The following ZNF385D variants were observed in gnomAD, a reference collection of about 807,000 sequenced individuals.
ZNF385D encodes the protein zinc finger protein 385D, also known as zinc finger protein 659.
Under a neutral mutation model 35.8 loss-of-function variants are expected in ZNF385D, and 15 were observed. The ratio of observed to expected loss-of-function variants is 0.42; its 90% CI spans 0.28 to 0.64. The LOEUF (loss-of-function observed/expected upper bound fraction) is 0.64. Among genes scored for constraint, ZNF385D ranks in the 30% least tolerant of loss-of-function variants. ZNF385D has a pLI of 0.23. For missense variants in ZNF385D, 474 were observed against 494.6 expected, an observed-to-expected ratio of 0.96 and a Z score of 0.39; for synonymous variants, 212 against 186.8, an observed-to-expected ratio of 1.13 and a Z score of -1.10.
chr3:21,705,252 T>C (rs988572544), intron 1 of ZNF385D, among the ~76,000 whole-genome samples: 1 of 152,188 alleles, frequency 6.6e-6, no homozygotes, highest in Non-Finnish European at 1.5e-5. Context: ...AATCCCTGCT[T>C]AATAAAATGT....
intron 3 of ZNF385D, among the ~76,000 whole-genome samples, chr3:21,917,105 G>T (rs1242470023): frequency 6.6e-6 from 1 of 152,188 alleles, no homozygotes; most frequent in African/African-American, 2.4e-5. Context: ...TCCCTAAAAT[G>T]GAGAAGACAC....
At chr3:21,658,714 C>T (rs1223947150) in intron 2 of ZNF385D, among the ~76,000 whole-genome samples, 2 of 151,968 alleles carry the variant, frequency 1.3e-5, no homozygotes, top group Non-Finnish European at 2.9e-5. Context: ...ATCTCAGATT[C>T]CAAAGCAAAC....
intron 1 of ZNF385D, among the ~76,000 whole-genome samples, chr3:21,730,821 A>G (rs1472557100): frequency 1.3e-5 from 2 of 152,200 alleles, no homozygotes; most frequent in Non-Finnish European, 2.9e-5. Context: ...TTGCTGTTAT[A>G]GTGTAGATTT....
intron 2 of ZNF385D, among the ~76,000 whole-genome samples, chr3:22,264,341 C>A (rs889318739): frequency 6.6e-6 from 1 of 151,970 alleles, no homozygotes; most frequent in Non-Finnish European, 1.5e-5. Context: ...ACAGATGGGT[C>A]TTAGGGCAGA....
intron 1 of ZNF385D, among the ~76,000 whole-genome samples, chr3:21,742,610 A>C (rs992777297): frequency 3.3e-5 from 5 of 152,184 alleles, no homozygotes; most frequent in Non-Finnish European, 5.9e-5. Flanking sequence ...AGAGAAAGGG[A>C]GAAACCAGGG....
In ZNF385D at chr3:21,862,297, T is replaced by C. The variant is rs530932351; in HGVS notation, c.326-197269A>G. On this transcript the variant is annotated intron_variant, in intron 3 of 5. Coordinates refer to the ZNF385D transcript ENST00000494108. Reference sequence around the variant, plus strand: ...ACTTGAGGCAGGATATCTCTACTTTTTTTTTTTTTTAATCAAGCTCAGGTT... The same window carrying C: ...ACTTGAGGCAGGATATCTCTACTTTCTTTTTTTTTTAATCAAGCTCAGGTT... 5.3e-5 allele frequency among the ~76,000 whole-genome samples: 8 copies of C among 151,830 alleles called. No homozygotes were observed. In the East Asian group the frequency reaches 1.6e-3, roughly 30 times the overall value.
intron 1 of ZNF385D, among the ~76,000 whole-genome samples, chr3:21,668,614 C>A (rs1318794493): frequency 1.3e-5 from 2 of 152,162 alleles, no homozygotes; most frequent in Non-Finnish European, 2.9e-5. Context: ...GATATTGAGG[C>A]ACGAAATCGA....
intron 3 of ZNF385D, among the ~76,000 whole-genome samples, chr3:22,093,272 A>C (rs1404540946): frequency 6.6e-6 from 1 of 152,054 alleles, no homozygotes; most frequent in Non-Finnish European, 1.5e-5. Flanking sequence ...CCAACATCTA[A>C]AACTTTTAGA....
At chr3:21,904,373 A>G (rs995525325) in intron 3 of ZNF385D, among the ~76,000 whole-genome samples, 20 of 151,944 alleles carry the variant, frequency 1.3e-4, no homozygotes, top group Non-Finnish European at 2.5e-4. Flanking sequence ...TGAAGAGTAT[A>G]TATTTTTCTG....
chr3:21,956,027 A>C (rs1222709629), intron 3 of ZNF385D, among the ~76,000 whole-genome samples: 1 of 152,044 alleles, frequency 6.6e-6, no homozygotes, highest in East Asian at 1.9e-4. Flanking sequence ...CTCTCTAAAA[A>C]AGAAAAAAAA....
rs1180921379 is a variant in ZNF385D at position 21,769,565 on chromosome 3, C to T, written c.326-104537G>A. On this transcript the variant is annotated intron_variant, in intron 3 of 5. Transcript: ENST00000494108. ...GACCTCTTCAAGGAGAACTATAAAC[C>T]ACTGCTCAAGGAAATAAAAGAGGAT... is the stretch of plus-strand genomic sequence containing the variant. Among the ~76,000 whole-genome samples the T allele has an allele frequency of 4.1e-5, 4 of 97,188 alleles. 1 individual carries two copies. Among genetic ancestry groups the T allele is most frequent in the Non-Finnish European group, 7.9e-5 (4 of 50,362 alleles). 63.8% of individuals were successfully genotyped at this position (97,188 alleles called of 152,430 possible). A position where few individuals can be genotyped will look rare whatever the true frequency, so the allele number is the denominator to read the frequency against.
chr3:22,015,137 A>G (rs796132074), intron 3 of ZNF385D, among the ~76,000 whole-genome samples: 10 of 152,286 alleles, frequency 6.6e-5, no homozygotes, highest in South Asian at 2.1e-4. Flanking sequence ...ATAAGATACT[A>G]AAGAATTATT....
chr3:22,273,903 C>G (rs779996556), intron 2 of ZNF385D, among the ~76,000 whole-genome samples: 3 of 151,960 alleles, frequency 2.0e-5, no homozygotes, highest in South Asian at 2.1e-4. Context: ...CAATGGTTTT[C>G]CATATGTTTT....
intron 3 of ZNF385D, among the ~76,000 whole-genome samples, chr3:21,919,971 A>G (rs1564411): frequency 0.54 from 81,350 of 152,050 alleles, 23,827 homozygotes; most frequent in South Asian, 0.66. Flanking sequence ...TACCATAAGA[A>G]TAACAATCTC....
At chr3:22,023,415 A>G (rs2125459692) in intron 3 of ZNF385D, among the ~76,000 whole-genome samples, 1 of 152,154 alleles carries the variant, frequency 6.6e-6, no homozygotes, top group African/African-American at 2.4e-5. Context: ...ACATTTGAAA[A>G]CCCAGCGGCA....
intron 3 of ZNF385D, among the ~76,000 whole-genome samples, chr3:21,947,760 C>A (rs1168272693): frequency 6.6e-6 from 1 of 151,980 alleles, no homozygotes; most frequent in Admixed American, 6.6e-5. Context: ...GTTGATACAC[C>A]AAAATATATC....
intron 3 of ZNF385D, among the ~76,000 whole-genome samples, chr3:22,144,938 T>C (rs985276829): frequency 6.6e-6 from 1 of 152,142 alleles, no homozygotes; most frequent in African/African-American, 2.4e-5. Context: ...TTTAGACATG[T>C]AACACTTCCT....
At chr3:22,167,653 G>A (rs537346399) in intron 3 of ZNF385D, among the ~76,000 whole-genome samples, 9 of 152,284 alleles carry the variant, frequency 5.9e-5, no homozygotes, top group Admixed American at 2.6e-4. Context: ...CCCCAAAGCC[G>A]TGGGCCGAGG....
intron 3 of ZNF385D, among the ~76,000 whole-genome samples, chr3:21,882,343 A>G (rs1390348126): frequency 6.6e-6 from 1 of 152,016 alleles, no homozygotes; most frequent in Non-Finnish European, 1.5e-5. Flanking sequence ...CCTTCCACCA[A>G]CGAAAAGATT....
Sources: allele counts gnomAD v4.1 joint callset (sites outside exome capture counted in the v4.1 genomes callset), GRCh38; gene constraint gnomAD v4.1.1; transcripts MANE v1.5; gene names NCBI Gene and HGNC (gene_info 2026-07-23, HGNC 2026-07-21).